MYRFL: variants seen among roughly 807,000 people sequenced by gnomAD.
MYRFL encodes the protein myelin regulatory factor-like protein.
Under a neutral mutation model 109.4 loss-of-function variants are expected in MYRFL, and 88 were observed. The observed-to-expected ratio is 0.80, with a 90% CI of 0.68 to 0.96. MYRFL has a LOEUF of 0.96. Among genes scored for constraint, MYRFL ranks in the 40% least tolerant of loss-of-function variants. The pLI is 0.00. For synonymous variants in MYRFL, 324 were observed against 320.9 expected, an observed-to-expected ratio of 1.01 and a Z score of -0.10; for missense variants, 957 against 954.9, an observed-to-expected ratio of 1.00 and a Z score of -0.03.
chr12:69,952,246 A>G (rs1955995941), intron 20 of MYRFL, 71 bp downstream of exon 20: 1 of 1,366,756 alleles, frequency 7.3e-7, no homozygotes, highest in East Asian at 2.5e-5. Flanking sequence ...TTGTAAAAGC[A>G]TTGCTGGAGT....
intron 1 of MYRFL, among the ~76,000 whole-genome samples, chr12:69,852,579 A>T (rs377065416): frequency 6.6e-4 from 74 of 112,180 alleles, no homozygotes; most frequent in African/African-American, 2.1e-3. Context: ...TTAATTTTTA[A>T]TTTTTTTTTT....
chr12:69,958,125 A>G (rs2307086), intron 23 of MYRFL, 124 bp from the exon 24 acceptor site: 298,841 of 1,169,250 alleles, frequency 0.26, 41,413 homozygotes, highest in East Asian at 0.5. Context: ...AGCAACACCC[A>G]TCAAAAGCTG....
Position 69,932,615 on chromosome 12 carries a change from T to A in MYRFL, c.1916+17T>A, listed in dbSNP as rs1371262064. The A allele has an allele frequency of 9.3e-6, 14 of 1,501,108 alleles. No homozygotes were observed. The Admixed American group carries it at 1.2e-4, about 13-fold the overall frequency. The allele number at this position is 1,501,108 out of a possible 1,614,324, so 93.0% of individuals were successfully genotyped here. On this transcript the variant is annotated intron_variant, in intron 16 of 24. Coordinates refer to ENST00000552032, the MANE Select transcript of MYRFL (RefSeq NM_182530.3). The stretch of plus-strand genomic sequence containing the variant: ...GGCATTTTGGTAAGAAAAAGTTCAC[T>A]GTTATGCCATGTCAAGCTCTTTTGT...
chr12:69,872,569 C>T (rs11830948), intron 2 of MYRFL, among the ~76,000 whole-genome samples: 2,902 of 152,066 alleles, frequency 0.019, 76 homozygotes, highest in African/African-American at 0.066. Flanking sequence ...GGCATGATCT[C>T]GGCTCACTGC....
intron 23 of MYRFL, 103 bp from the exon 24 acceptor site, chr12:69,958,146 A>T (rs1234247837): frequency 2.5e-6 from 3 of 1,197,868 alleles, no homozygotes; most frequent in Non-Finnish European, 3.5e-6. Context: ...TGATCCCAAT[A>T]CTTCTCCTAC....
chr12:69,865,436 G>C (rs1884960511), intron 2 of MYRFL, among the ~76,000 whole-genome samples: 1 of 152,184 alleles, frequency 6.6e-6, no homozygotes, highest in Non-Finnish European at 1.5e-5. Flanking sequence ...AGACAGAAGG[G>C]AGAGAGTGAC....
chr12:69,937,271 ATTG>A lies in MYRFL; in HGVS notation c.2224+642_2224+644del, dbSNP rs1486543150. Among the ~76,000 whole-genome samples the A allele has an allele frequency of 4.6e-5, 7 of 152,036 alleles. No homozygotes were observed. In the East Asian group the frequency reaches 7.7e-4, roughly 17 times the overall value. ...TCTTCCAAATGTATACTAATTTATTATTGTTTTTAGAAATTTTATTCTATATAT... is the reference window on the plus strand; with the variant it reads ...TCTTCCAAATGTATACTAATTTATTATTTTTAGAAATTTTATTCTATATAT... On this transcript the variant is annotated intron_variant, in intron 19 of 24. Coordinates refer to ENST00000552032, the MANE Select transcript of MYRFL (RefSeq NM_182530.3).
At chr12:69,841,714 C>T (rs1360823146) in intron 1 of MYRFL, among the ~76,000 whole-genome samples, 1 of 152,124 alleles carries the variant, frequency 6.6e-6, no homozygotes, top group Non-Finnish European at 1.5e-5. Flanking sequence ...CATCTTTTTG[C>T]TCCTGTTGAG....
At chr12:69,949,639 A>AT (rs35789649) in intron 19 of MYRFL, among the ~76,000 whole-genome samples, 41,729 of 144,254 alleles carry the variant, frequency 0.29, 5,939 homozygotes, top group Non-Finnish European at 0.32. Flanking sequence ...ACATTATGAG[A>AT]TTTTTTTTTT....
chr12:69,892,666 AAAAAC>A (rs1333676478), intron 7 of MYRFL, among the ~76,000 whole-genome samples: 3 of 152,240 alleles, frequency 2.0e-5, no homozygotes, highest in East Asian at 1.9e-4. Context: ...CTGAGCTCTT[AAAAAC>A]AAAACAAAAC....
chr12:69,891,594 T>TTTCTTTCTTTCTTTCTTTCTTTCTTTC, intron 7 of MYRFL, among the ~76,000 whole-genome samples: 1 of 137,168 alleles, frequency 7.3e-6, no homozygotes, highest in East Asian at 2.0e-4. Context: ...TCTTTCTTTC[T>TTTCTTTCTTTCTTTCTTTCTTTCTTTC]TTCTTTCTTT....
At position 69,904,020 on chromosome 12, in the gene MYRFL, T is replaced by C. The variant is rs946470673; in HGVS notation, c.1383+176T>C. 10 of 560,652 alleles carry C rather than the reference T, an allele frequency of 1.8e-5. 1 individual carries two copies. Among genetic ancestry groups the C allele is most frequent in the Non-Finnish European group, 2.7e-5 (9 of 334,644 alleles). The allele number at this position is 560,652 out of a possible 1,614,324, so 34.7% of individuals were successfully genotyped here. On this transcript the variant is annotated intron_variant, in intron 11 of 24. Coordinates refer to ENST00000552032, the MANE Select transcript of MYRFL (RefSeq NM_182530.3). ...CTGCTGGGCATCTCTGCTGAAATTG[T>C]AAAGCAGTTCCTCCCTGAGAGAATG...
intron 1 of MYRFL, among the ~76,000 whole-genome samples, chr12:69,831,029 A>G (rs1251456098): frequency 6.6e-6 from 1 of 152,214 alleles, no homozygotes; most frequent in Non-Finnish European, 1.5e-5. Context: ...ACCTAAAAGA[A>G]GAAGATCATT....
chr12:69,906,672 A>G (rs928396894), intron 11 of MYRFL, among the ~76,000 whole-genome samples: 5 of 152,234 alleles, frequency 3.3e-5, no homozygotes, highest in Non-Finnish European at 5.9e-5. Context: ...AAAAAGCTCA[A>G]GAAAGTCAAA....
At chr12:69,914,710 G>A (rs1954678124) in intron 13 of MYRFL, among the ~76,000 whole-genome samples, 1 of 152,144 alleles carries the variant, frequency 6.6e-6, no homozygotes, top group African/African-American at 2.4e-5. Context: ...CAAACTCAGA[G>A]GTCTGGAGAG....
At chr12:69,953,795 AC>A (rs1956038568) in intron 21 of MYRFL, among the ~76,000 whole-genome samples, 11 of 151,626 alleles carry the variant, frequency 7.3e-5, no homozygotes, top group Admixed American at 7.3e-4. Flanking sequence ...ACACACACAC[AC>A]ACGGAATGGG....
At chr12:69,876,455 A>C (rs1331485610) in intron 2 of MYRFL, among the ~76,000 whole-genome samples, 2 of 151,732 alleles carry the variant, frequency 1.3e-5, no homozygotes, top group African/African-American at 4.8e-5. Flanking sequence ...GTAGGAGTTT[A>C]ATCATCATAT....
chr12:69,950,111 AT>A (rs34982566), intron 19 of MYRFL, among the ~76,000 whole-genome samples: 13,094 of 150,196 alleles, frequency 0.087, 1,389 homozygotes, highest in African/African-American at 0.26. Context: ...AGCATGCTCA[AT>A]TTTTTTTTTT....
chr12:69,904,992 T>C (rs1295391770), intron 11 of MYRFL, among the ~76,000 whole-genome samples: 2 of 152,212 alleles, frequency 1.3e-5, no homozygotes, highest in Non-Finnish European at 2.9e-5. Context: ...TGTAGACTTT[T>C]ATACTGATTG....
Sources: gnomAD v4.1 joint callset for allele counts (sites outside exome capture counted in the v4.1 genomes callset) on GRCh38, gnomAD v4.1.1 for gene constraint, MANE v1.5 for transcripts, NCBI Gene and HGNC (gene_info 2026-07-23, HGNC 2026-07-21) for gene names.